The following LARGE1 variants were observed in gnomAD, a reference collection of about 807,000 sequenced individuals.
The protein encoded by LARGE1 is xylosyl- and glucuronyltransferase LARGE1.
Under a neutral mutation model 87.6 loss-of-function variants are expected in LARGE1, and 43 were observed. The observed-to-expected ratio is 0.49, with a 90% confidence interval of 0.38 to 0.63. The LOEUF (loss-of-function observed/expected upper bound fraction) is 0.63. Among genes scored for constraint, LARGE1 ranks in the 30% least tolerant of loss-of-function variants. The pLI, the probability that LARGE1 is intolerant of heterozygous loss-of-function variation, is 0.00. For synonymous variants in LARGE1, 434 were observed against 394.6 expected, an observed-to-expected ratio of 1.10 and a Z score of -1.18; for missense variants, 802 against 1,000.2, an observed-to-expected ratio of 0.80 and a Z score of 2.67.
chr22:33,825,365 CATACCCGAGACTGGGTAATTGCTAATA>C (rs961676552), intron 1 of LARGE1, among the ~76,000 whole-genome samples: 5 of 125,726 alleles, frequency 4.0e-5, no homozygotes, highest in East Asian at 3.0e-4. Context: ...TAATAAAAGA[CATACCCGAGACTGGGTAATTGCTAATA>C]AAGACATACC....
At chr22:33,173,192 G>T (rs186121620) in intron 11 of LARGE1, among the ~76,000 whole-genome samples, 2 of 152,314 alleles carry the variant, frequency 1.3e-5, no homozygotes, top group Admixed American at 1.3e-4. Context: ...AGAAGAGAGT[G>T]AGGGCCAATA....
downstream of LARGE1, among the ~76,000 whole-genome samples, chr22:33,272,334 CAG>C (rs1480127566): frequency 6.6e-6 from 1 of 152,074 alleles, no homozygotes; most frequent in Non-Finnish European, 1.5e-5. Context: ...TGTGTGTACA[CAG>C]GGGAGAGAGA....
intron 6 of LARGE1, among the ~76,000 whole-genome samples, chr22:33,448,100 G>C (rs1181680553): frequency 6.6e-6 from 1 of 151,928 alleles, no homozygotes; most frequent in East Asian, 1.9e-4. Context: ...AGGGAGAGGG[G>C]GGTGTGGAAT....
At chr22:33,833,519 C>G (rs965190693) in intron 1 of LARGE1, among the ~76,000 whole-genome samples, 15 of 152,142 alleles carry the variant, frequency 9.9e-5, no homozygotes, top group Non-Finnish European at 1.8e-4. Context: ...AGAAGCCAAC[C>G]TTGCTAACAA....
intron 10 of LARGE1, among the ~76,000 whole-genome samples, chr22:33,318,970 C>T (rs890808296): frequency 6.6e-6 from 1 of 152,064 alleles, no homozygotes; most frequent in East Asian, 1.9e-4. Flanking sequence ...TATTAACTTG[C>T]TTCTGTAGAG....
chr22:33,806,468 T>A (rs2086312642), intron 1 of LARGE1, among the ~76,000 whole-genome samples: 1 of 152,202 alleles, frequency 6.6e-6, no homozygotes, highest in Non-Finnish European at 1.5e-5. Flanking sequence ...ACTCTTGACA[T>A]AATCACATAC....
At chr22:33,703,828 A>C (rs2082474311) in intron 2 of LARGE1, among the ~76,000 whole-genome samples, 2 of 152,246 alleles carry the variant, frequency 1.3e-5, no homozygotes, top group South Asian at 4.1e-4. Flanking sequence ...AAAAGAGTAA[A>C]TCTGTATTAT....
intron 6 of LARGE1, among the ~76,000 whole-genome samples, chr22:33,560,774 G>T (rs933638775): frequency 4.6e-5 from 7 of 151,930 alleles, no homozygotes; most frequent in Non-Finnish European, 1.0e-4. Context: ...AGCTCTCTGA[G>T]CATGAAAAGT....
Position 33,418,325 on chromosome 22 carries a change from G to T in LARGE1, c.892+13836C>A, listed in dbSNP as rs188472380. Among the ~76,000 whole-genome samples, 52 of 152,212 alleles carry T rather than the reference G, an allele frequency of 3.4e-4. 1 individual carries two copies. The highest frequency in any genetic ancestry group is 7.4e-5 in the Non-Finnish European group (5 of 68,024). ...TCCAAGATAAACTCCCTATGTTGAAGCCCATAATTATAGCTGCAAAGTCTC... is the reference window on the plus strand; with the variant it reads ...TCCAAGATAAACTCCCTATGTTGAATCCCATAATTATAGCTGCAAAGTCTC... On this transcript the variant is annotated intron_variant, in intron 7 of 14. Transcript: ENST00000397394.
At chr22:33,694,813 T>C (rs912215413) in intron 2 of LARGE1, among the ~76,000 whole-genome samples, 1 of 152,190 alleles carries the variant, frequency 6.6e-6, no homozygotes, top group Non-Finnish European at 1.5e-5. Context: ...GAACCTTATC[T>C]AAAAGATGAC....
chr22:33,703,815 G>A (rs761492964), intron 2 of LARGE1, among the ~76,000 whole-genome samples: 6 of 152,306 alleles, frequency 3.9e-5, no homozygotes, highest in Non-Finnish European at 5.9e-5. Flanking sequence ...CCTTCAGAAC[G>A]ATAAAAGAGT....
chr22:33,876,412 T>C (rs1029963948), intron 1 of LARGE1, among the ~76,000 whole-genome samples: 1 of 152,182 alleles, frequency 6.6e-6, no homozygotes, highest in African/African-American at 2.4e-5. Context: ...TAATGTCCTA[T>C]TTCTTGTTCT....
At chr22:33,400,940 C>A (rs765068344) in intron 7 of LARGE1, among the ~76,000 whole-genome samples, 4 of 152,212 alleles carry the variant, frequency 2.6e-5, no homozygotes, top group Admixed American at 6.5e-5. Flanking sequence ...AGTTTTTCCA[C>A]TCCCAGGTCC....
chr22:33,585,081 C>T (rs2148889632), intron 5 of LARGE1, among the ~76,000 whole-genome samples: 1 of 152,302 alleles, frequency 6.6e-6, no homozygotes, highest in South Asian at 2.1e-4. Context: ...CGCACCACTG[C>T]ATTCCAGCCT....
chr22:33,556,965 C>T (rs747177839), intron 6 of LARGE1, among the ~76,000 whole-genome samples: 1 of 152,144 alleles, frequency 6.6e-6, no homozygotes. Context: ...GACATTGTGC[C>T]ACTGCACTCC....
At chr22:33,183,601 A>AACACACAC (rs779274464) in intron 11 of LARGE1, among the ~76,000 whole-genome samples, 10,798 of 104,024 alleles carry the variant, frequency 0.1, 555 homozygotes, top group African/African-American at 0.2. Flanking sequence ...TGATGGATAA[A>AACACACAC]ACACACACAC....
chr22:33,447,590 C>T (rs1488772040), intron 6 of LARGE1, among the ~76,000 whole-genome samples: 3 of 152,206 alleles, frequency 2.0e-5, no homozygotes, highest in Non-Finnish European at 1.5e-5. Flanking sequence ...AGAATTGTTA[C>T]AAAGGCAACA....
intron 7 of LARGE1, among the ~76,000 whole-genome samples, chr22:33,417,290 G>A (rs555514684): frequency 1.3e-5 from 2 of 152,142 alleles, no homozygotes; most frequent in African/African-American, 4.8e-5. Context: ...ATGGGCAGCC[G>A]GCAGGACCTA....
At chr22:33,912,301 C>A (rs2065660656) in intron 1 of LARGE1, among the ~76,000 whole-genome samples, 1 of 152,128 alleles carries the variant, frequency 6.6e-6, no homozygotes, top group Non-Finnish European at 1.5e-5. Context: ...TCCAAGGAAG[C>A]CGCAGCAATC....
Sources: allele counts gnomAD v4.1 joint callset (sites outside exome capture counted in the v4.1 genomes callset), GRCh38; gene constraint gnomAD v4.1.1; transcripts MANE v1.5; gene names NCBI Gene and HGNC (gene_info 2026-07-23, HGNC 2026-07-21).